The following ANO5 variants were observed in gnomAD, a reference collection of about 807,000 sequenced individuals.
The protein encoded by ANO5 is anoctamin-5.
Under a neutral mutation model 121.0 loss-of-function variants are expected in ANO5, and 109 were observed. That is an observed-to-expected ratio of 0.90 (90% CI 0.77 to 1.06). The LOEUF (loss-of-function observed/expected upper bound fraction) is 1.06. Among genes scored for constraint, ANO5 ranks in the 50% least tolerant of loss-of-function variants. The pLI is 0.00. For synonymous variants in ANO5, 406 were observed against 359.9 expected, an observed-to-expected ratio of 1.13 and a Z score of -1.45; for missense variants, 1,064 against 1,078.5, an observed-to-expected ratio of 0.99 and a Z score of 0.19.
intron 6 of ANO5, among the ~76,000 whole-genome samples, chr11:22,227,005 G>A (rs989212583): frequency 3.9e-5 from 6 of 152,140 alleles, no homozygotes; most frequent in Middle Eastern, 3.4e-3. Flanking sequence ...TTAGAGATGA[G>A]TATACATTGA....
At chr11:22,265,925 A>C (rs1854345042) in intron 17 of ANO5, among the ~76,000 whole-genome samples, 1 of 152,192 alleles carries the variant, frequency 6.6e-6, no homozygotes, top group Admixed American at 6.5e-5. Flanking sequence ...GATTGTAGAA[A>C]CAGATATTAC....
At chr11:22,217,573 T>C (rs901975021) in intron 3 of ANO5, among the ~76,000 whole-genome samples, 5 of 152,056 alleles carry the variant, frequency 3.3e-5, no homozygotes, top group Admixed American at 3.3e-4. Context: ...ATTATTTTCA[T>C]GTTTTCCTTT....
At chr11:22,276,686 A>C (rs561934052) in intron 21 of ANO5, among the ~76,000 whole-genome samples, 1 of 150,826 alleles carries the variant, frequency 6.6e-6, no homozygotes, top group Non-Finnish European at 1.5e-5. Context: ...TGTCTACTAT[A>C]TTATGCTTCC....
At chr11:22,203,508 G>C (rs1852024521) in intron 1 of ANO5, among the ~76,000 whole-genome samples, 1 of 152,078 alleles carries the variant, frequency 6.6e-6, no homozygotes, top group Admixed American at 6.6e-5. Context: ...CAGTGGTTTT[G>C]TGGTTATAGG....
rs377014234 is a variant in ANO5 at position 22,218,352 on chromosome 11, T to A, written c.180+65T>A. ...GGCTGCAGTGGTAGCCTTAGTTATT[T>A]TTCTTCTAATGAATACTTTGATTTG... On this transcript the variant is annotated intron_variant, in intron 4 of 21. Transcript: ENST00000324559. 6.3e-6 allele frequency: 10 copies of A among 1,582,018 alleles called. No homozygotes were observed. The East Asian group carries it at 6.7e-5, about 11-fold the overall frequency.
In ANO5 at chr11:22,279,922, G is replaced by A. The variant is rs555328270; in HGVS notation, c.*157G>A. On this transcript the variant is annotated 3_prime_UTR_variant, in exon 22 of 22. Coordinates refer to ENST00000324559, the MANE Select transcript of ANO5 (RefSeq NM_213599.3). ...AAAGTTTTTATACACTTTTATAGAG[G>A]CCAACTTTGTGATGTTGGAAATGTA... is the stretch of plus-strand genomic sequence containing the variant. The A allele has an allele frequency of 7.6e-5, 50 of 653,936 alleles. No individual in the cohort carries two copies. The highest frequency in any genetic ancestry group is 5.7e-4 in the South Asian group (29 of 50,576). 40.5% of individuals were successfully genotyped at this position (653,936 alleles called of 1,614,324 possible). A position where few individuals can be genotyped will look rare whatever the true frequency, so the allele number is the denominator to read the frequency against.
rs1215521198 is a variant in ANO5, at chr11:22,279,556, T to C, written c.2533T>C (p.Leu845=). 1 of 1,611,762 alleles carries C rather than the reference T, an allele frequency of 6.2e-7. No homozygotes were observed. The highest frequency in any genetic ancestry group is 8.5e-7 in the Non-Finnish European group (1 of 1,178,394). Residue 845 remains leucine, a synonymous_variant, in exon 22 of 22, where the codon TTA becomes CTA. Transcript: ENST00000324559. ...ATATTTCCTCTAGCATGTTGTGTTT[T>C]TAGTTAAATTTTTGCTGGCCTGGAT... is the stretch of plus-strand genomic sequence containing the variant. ...FIIVMEHVVF[L]VKFLLAWMIP...
At chr11:22,274,008 AAAAG>A (rs1473924127) in intron 19 of ANO5, among the ~76,000 whole-genome samples, 4 of 152,130 alleles carry the variant, frequency 2.6e-5, no homozygotes, top group African/African-American at 9.6e-5. Flanking sequence ...TATCTAATCT[AAAAG>A]AAATATGCTA....
chr11:22,259,717 A>C lies in ANO5; in HGVS notation c.1606A>C (p.Ile536Leu), dbSNP rs770320815. 8 of 1,613,724 alleles carry C rather than the reference A, an allele frequency of 5.0e-6. No homozygotes were observed. Among genetic ancestry groups the C allele is most frequent in the Middle Eastern group, 3.3e-4 (2 of 6,062 alleles). ...ILILNFFYEK[I>L]SAWITKMEIP... ...GATCTTGAATTTCTTTTATGAAAAGATATCTGCCTGGATCACAAAAATGGG... is the reference window on the plus strand; with the variant it reads ...GATCTTGAATTTCTTTTATGAAAAGCTATCTGCCTGGATCACAAAAATGGG... The change falls in exon 15 of 22, where the codon ATA (isoleucine) becomes CTA (leucine). Residue 536 changes from isoleucine to leucine, a missense_variant. Coordinates refer to ENST00000324559, the MANE Select transcript of ANO5 (RefSeq NM_213599.3).
chr11:22,228,347 T>C (rs1416980266), intron 7 of ANO5, among the ~76,000 whole-genome samples: 2 of 152,078 alleles, frequency 1.3e-5, no homozygotes, highest in Non-Finnish European at 2.9e-5. Flanking sequence ...TTTTATAGCT[T>C]GCTTATTTTA....
chr11:22,206,342 A>G (rs968988103), intron 2 of ANO5, among the ~76,000 whole-genome samples: 2 of 10,364 alleles, frequency 1.9e-4, no homozygotes, highest in African/African-American at 4.5e-4. Flanking sequence ...AAAGGGACAG[A>G]GTCTTGCTCT....
Position 22,242,427 on chromosome 11 carries a change from A to T in ANO5, c.878+2743A>T, listed in dbSNP as rs1853463136. Among the ~76,000 whole-genome samples, 2 of 152,138 alleles carry T rather than the reference A, an allele frequency of 1.3e-5. 1 individual carries two copies. The highest frequency in any genetic ancestry group is 4.1e-4 in the South Asian group (2 of 4,834). ...TAGAATAGCTTTTTCTAATTCTGTG[A>T]AAAATGTCATTGGTAGTGTGATAGG... On this transcript the variant is annotated intron_variant, in intron 9 of 21. Transcript: ENST00000324559.
At chr11:22,238,320 AT>A in intron 8 of ANO5, among the ~76,000 whole-genome samples, 1 of 148,420 alleles carries the variant, frequency 6.7e-6, no homozygotes, top group South Asian at 2.1e-4. Context: ...TTTAAAATTA[AT>A]TTTTAGGGCA....
intron 4 of ANO5, among the ~76,000 whole-genome samples, chr11:22,218,587 G>A (rs1478510238): frequency 6.6e-6 from 1 of 151,996 alleles, no homozygotes. Context: ...TTCACACAGA[G>A]TCTTACTCTG....
At chr11:22,232,522 C>T (rs559185903) in intron 7 of ANO5, among the ~76,000 whole-genome samples, 1 of 152,014 alleles carries the variant, frequency 6.6e-6, no homozygotes, top group Non-Finnish European at 1.5e-5. Flanking sequence ...ATATACCCCA[C>T]TTTCTCAATT....
Position 22,193,731 on chromosome 11 carries a change from G to C in ANO5, c.40+199G>C, listed in dbSNP as rs573039667. Among the ~76,000 whole-genome samples the C allele has an allele frequency of 2.6e-5, 4 of 152,226 alleles. No individual in the cohort carries two copies. In the East Asian group the frequency reaches 5.8e-4, roughly 22 times the overall value. On this transcript the variant is annotated intron_variant, in intron 1 of 21. Coordinates refer to ENST00000324559, the MANE Select transcript of ANO5 (RefSeq NM_213599.3). ...TGGGGTGAGTGGGGTTGGTTTCGGC[G>C]CCCCACAGATTTCTCTGCTGCTCCT...
chr11:22,259,132 CAAA>C (rs11317243), intron 14 of ANO5, among the ~76,000 whole-genome samples: 7 of 112,482 alleles, frequency 6.2e-5, no homozygotes, highest in Non-Finnish European at 5.6e-5. Flanking sequence ...GACTCTGTCT[CAAA>C]AAAAAAAAAA....
chr11:22,244,752 A>G (rs1395542248), intron 9 of ANO5, among the ~76,000 whole-genome samples: 2 of 152,016 alleles, frequency 1.3e-5, no homozygotes, highest in Non-Finnish European at 2.9e-5. Flanking sequence ...TTTTCCTAAA[A>G]TGGCTATTTC....
intron 5 of ANO5, among the ~76,000 whole-genome samples, chr11:22,223,782 T>C (rs555355090): frequency 6.6e-6 from 1 of 152,236 alleles, no homozygotes; most frequent in African/African-American, 2.4e-5. Flanking sequence ...TGGGCCATTT[T>C]CTTCCATGAA....
Sources: gnomAD v4.1 joint callset for allele counts (sites outside exome capture counted in the v4.1 genomes callset) on GRCh38, gnomAD v4.1.1 for gene constraint, MANE v1.5 for transcripts, NCBI Gene and HGNC (gene_info 2026-07-23, HGNC 2026-07-21) for gene names.